Variants in EML1 observed in about 807,000 individuals in gnomAD.
The protein encoded by EML1 is echinoderm microtubule-associated protein-like 1.
Under a neutral mutation model 110.4 loss-of-function variants are expected in EML1, and 27 were observed. The ratio of observed to expected loss-of-function variants is 0.24; its 90% CI spans 0.18 to 0.34. The LOEUF (loss-of-function observed/expected upper bound fraction) is 0.34, where lower values mean the gene tolerates loss of function less well. Ranked by LOEUF, EML1 falls within the 10% of genes least tolerant of loss-of-function variation. EML1 has a pLI of 1.00. For synonymous variants in EML1, 344 were observed against 385.8 expected (o/e 0.89, Z 1.27); for missense variants, 741 against 1,030.9 (o/e 0.72, Z 3.85).
intron 8 of EML1, among the ~76,000 whole-genome samples, chr14:99,900,345 G>A (rs1369539536): frequency 3.3e-5 from 5 of 151,444 alleles, no homozygotes; most frequent in Non-Finnish European, 4.4e-5. Context: ...GCACTACCAC[G>A]CCCGGCTAAT....
At chr14:99,896,418 A>G (rs1197470590) in intron 6 of EML1, among the ~76,000 whole-genome samples, 1 of 151,954 alleles carries the variant, frequency 6.6e-6, no homozygotes, top group Non-Finnish European at 1.5e-5. Context: ...TTTGGAATCT[A>G]TCTTGATACA....
At chr14:99,869,142 G>C (rs190223730) in intron 3 of EML1, among the ~76,000 whole-genome samples, 1 of 152,190 alleles carries the variant, frequency 6.6e-6, no homozygotes, top group Non-Finnish European at 1.5e-5. Context: ...ATTGTGTCTG[G>C]CTTTATTGTG....
intron 1 of EML1, among the ~76,000 whole-genome samples, chr14:99,832,711 G>T (rs944052124): frequency 2.0e-5 from 3 of 152,046 alleles, no homozygotes; most frequent in South Asian, 4.1e-4. Flanking sequence ...TTAAAATTGG[G>T]TTATTCACTT....
chr14:99,808,198 G>T (rs1037684208), intron 1 of EML1, among the ~76,000 whole-genome samples: 1 of 152,184 alleles, frequency 6.6e-6, no homozygotes, highest in South Asian at 2.1e-4. Context: ...CAGCTAGTGA[G>T]TTCCTTGAGG....
In EML1 at chr14:99,784,304, G is replaced by C. The variant is rs916551454; in HGVS notation, c.-27+10291G>C. Among the ~76,000 whole-genome samples, 2 of 152,130 alleles carry C rather than the reference G, an allele frequency of 1.3e-5. No homozygotes were observed. The highest frequency in any genetic ancestry group is 4.8e-5 in the African/African-American group (2 of 41,430). On this transcript the variant is annotated intron_variant, in intron 1 of 22. Coordinates refer to the EML1 transcript ENST00000327921. The surrounding 1 kb of genome is among the most constrained non-coding windows in gnomAD (Gnocchi z 4.5). Reference sequence around the variant, plus strand: ...AACAAGGTTTCACCATGTTGCCCAGGCTGGTCTCAAACTCCTGGACTCAAG... The same window carrying C: ...AACAAGGTTTCACCATGTTGCCCAGCCTGGTCTCAAACTCCTGGACTCAAG...
rs151070896 is a variant in EML1 at position 99,871,905 on chromosome 14, G to A, written c.383+6259G>A. On this transcript the variant is annotated intron_variant, in intron 3 of 21. Transcript: ENST00000262233. ...GCAGGGTCGTGTGGCTGGAGCGTGGGGAACGTGGCCCGGGCTGTCTGGCTC... is the reference window on the plus strand; with the variant it reads ...GCAGGGTCGTGTGGCTGGAGCGTGGAGAACGTGGCCCGGGCTGTCTGGCTC... 4.2e-3 allele frequency among the ~76,000 whole-genome samples: 645 copies of A among 152,286 alleles called. 14 individuals carry two copies. The highest frequency in any genetic ancestry group is 0.021 in the Admixed American group (322 of 15,302).
At position 99,794,999 on chromosome 14, in the gene EML1, G is replaced by A. The variant is rs115881631; in HGVS notation, c.67+1456G>A. On this transcript the variant is annotated intron_variant, in intron 1 of 21. Coordinates refer to ENST00000262233, the MANE Select transcript of EML1 (RefSeq NM_004434.3). ...ATTATTGTTTTTGATCTAAAAAGTAGTTATATGCTTATGGTAGAATTCTCC... is the reference window on the plus strand; with the variant it reads ...ATTATTGTTTTTGATCTAAAAAGTAATTATATGCTTATGGTAGAATTCTCC... 5.0e-3 allele frequency among the ~76,000 whole-genome samples: 760 copies of A among 152,278 alleles called. 5 individuals carry two copies. Among genetic ancestry groups the A allele is most frequent in the African/African-American group, 0.017 (724 of 41,546 alleles).
intron 1 of EML1, among the ~76,000 whole-genome samples, chr14:99,836,011 C>T (rs1161389224): frequency 6.6e-6 from 1 of 152,020 alleles, no homozygotes; most frequent in Non-Finnish European, 1.5e-5. Flanking sequence ...GTTGGCTATT[C>T]TGGGTCTTTT....
At chr14:99,796,677 G>GA (rs34348147) in intron 1 of EML1, among the ~76,000 whole-genome samples, 21,465 of 140,422 alleles carry the variant, frequency 0.15, 1,757 homozygotes, top group East Asian at 0.37. Context: ...TTAATGCTGG[G>GA]AAAAAAAAAA....
At chr14:99,780,006 A>T (rs1218762608) in intron 1 of EML1, among the ~76,000 whole-genome samples, 1 of 152,218 alleles carries the variant, frequency 6.6e-6, no homozygotes, top group East Asian at 1.9e-4. Context: ...CTTGAAGTCT[A>T]GTCAGAGTGC....
At chr14:99,807,687 C>T (rs2058002728) in intron 1 of EML1, among the ~76,000 whole-genome samples, 1 of 152,206 alleles carries the variant, frequency 6.6e-6, no homozygotes, top group South Asian at 2.1e-4. Context: ...TCCACTGCTC[C>T]TACCCAAGGG....
chr14:99,863,802 G>A (rs1270058666), intron 2 of EML1, among the ~76,000 whole-genome samples: 1 of 152,200 alleles, frequency 6.6e-6, no homozygotes, highest in Non-Finnish European at 1.5e-5. Flanking sequence ...ATTTACATGC[G>A]GGTTTGTGTA....
At chr14:99,903,418 C>T (rs74587728) in intron 9 of EML1, among the ~76,000 whole-genome samples, 5,020 of 152,142 alleles carry the variant, frequency 0.033, 133 homozygotes, top group African/African-American at 0.073. Flanking sequence ...GATTATAAGC[C>T]ACCTTTTAAA....
At chr14:99,937,683 G>T in intron 19 of EML1, 134 bp from the exon 20 acceptor site, 2 of 702,914 alleles carry the variant, frequency 2.8e-6, no homozygotes, top group Non-Finnish European at 4.9e-6. Flanking sequence ...GTTCCTGCCC[G>T]ACTGGGAAGT....
intron 1 of EML1, among the ~76,000 whole-genome samples, chr14:99,829,420 C>T (rs553397732): frequency 1.3e-5 from 2 of 152,280 alleles, no homozygotes; most frequent in Admixed American, 6.5e-5. Context: ...TCTTGAAAGC[C>T]AGTCTTTCAA....
At chr14:99,845,704 A>G (rs1290414889) in intron 1 of EML1, among the ~76,000 whole-genome samples, 1 of 152,216 alleles carries the variant, frequency 6.6e-6, no homozygotes, top group Non-Finnish European at 1.5e-5. Flanking sequence ...AGTGCCATAG[A>G]CACACTTGAA....
chr14:99,809,945 C>T (rs1363876596), intron 1 of EML1, among the ~76,000 whole-genome samples: 1 of 152,184 alleles, frequency 6.6e-6, no homozygotes, highest in Non-Finnish European at 1.5e-5. Flanking sequence ...TTTCAGGCCC[C>T]AGGGATTTGA....
chr14:99,830,290 T>G lies in EML1; in HGVS notation c.68-20563T>G, dbSNP rs146443239. Among the ~76,000 whole-genome samples the G allele has an allele frequency of 6.1e-3, 923 of 152,320 alleles. 7 individuals carry two copies. Among genetic ancestry groups the G allele is most frequent in the Non-Finnish European group, 0.011 (715 of 68,036 alleles). On this transcript the variant is annotated intron_variant, in intron 1 of 21. Transcript: ENST00000262233. The stretch of plus-strand genomic sequence containing the variant: ...TGTGCTTATTGGCCATTTGTATATC[T>G]TCTTAGAGAAACATCTATTTAAGGT...
intron 3 of EML1, among the ~76,000 whole-genome samples, chr14:99,872,639 C>T (rs917841240): frequency 1.3e-5 from 2 of 152,120 alleles, no homozygotes; most frequent in Non-Finnish European, 2.9e-5. Context: ...GATGGGACTT[C>T]CCTTCCATTT....
Sources: gnomAD v4.1 joint callset for allele counts (sites outside exome capture counted in the v4.1 genomes callset) on GRCh38, gnomAD v4.1.1 for gene constraint, Gnocchi (gnomAD v3.1) non-coding constraint, MANE v1.5 for transcripts, NCBI Gene and HGNC (gene_info 2026-07-23, HGNC 2026-07-21) for gene names.